SLC4A4: variants seen among roughly 807,000 people sequenced by gnomAD.
SLC4A4 encodes solute carrier family 4 member 4, also known as electrogenic sodium bicarbonate cotransporter 1.
SLC4A4 carries 27 observed loss-of-function variants against 111.5 expected under a neutral mutation model. That is an observed-to-expected ratio of 0.24 (90% CI 0.18 to 0.33). The LOEUF (loss-of-function observed/expected upper bound fraction) is 0.33, where lower values mean the gene tolerates loss of function less well. SLC4A4 is among the 10% of genes least tolerant of loss of function. The pLI, the probability that SLC4A4 is intolerant of heterozygous loss-of-function variation, is 1.00. For synonymous variants in SLC4A4, 443 were observed against 463.4 expected (o/e 0.96, Z 0.57); for missense variants, 909 against 1,315.5 (o/e 0.69, Z 4.78).
intron 15 of SLC4A4, among the ~76,000 whole-genome samples, chr4:71,488,319 CCT>C (rs1318442990): frequency 6.6e-6 from 1 of 150,724 alleles, no homozygotes; most frequent in Non-Finnish European, 1.5e-5. Context: ...ACTTTTAAGC[CCT>C]GTCGTTGGGA....
intron 8 of SLC4A4, among the ~76,000 whole-genome samples, chr4:71,445,059 C>T (rs1212086403): frequency 1.3e-5 from 2 of 152,154 alleles, no homozygotes; most frequent in Non-Finnish European, 2.9e-5. Context: ...AAGAGGAATA[C>T]TACTTTTATA....
intron 25 of SLC4A4, among the ~76,000 whole-genome samples, chr4:71,567,585 A>G (rs1298322635): frequency 6.6e-6 from 1 of 151,740 alleles, no homozygotes; most frequent in African/African-American, 2.4e-5. Flanking sequence ...ATGAGATCTT[A>G]TGAATTTTTT....
At chr4:71,143,291 T>A (rs992989651) in intron 2 of SLC4A4, among the ~76,000 whole-genome samples, 1 of 152,222 alleles carries the variant, frequency 6.6e-6, no homozygotes, top group South Asian at 2.1e-4. Flanking sequence ...TCATTTTTTA[T>A]GGCTGCATAG....
chr4:71,369,597 C>T (rs1731659270), intron 6 of SLC4A4, among the ~76,000 whole-genome samples: 1 of 152,052 alleles, frequency 6.6e-6, no homozygotes, highest in South Asian at 2.1e-4. Flanking sequence ...TGTTAAATAC[C>T]TCAAATACCT....
At chr4:71,292,699 T>A (rs1365389624) in intron 3 of SLC4A4, among the ~76,000 whole-genome samples, 10 of 151,842 alleles carry the variant, frequency 6.6e-5, no homozygotes, top group Admixed American at 6.6e-4. Flanking sequence ...CAATATAGGA[T>A]GTATATTGAA....
intron 3 of SLC4A4, among the ~76,000 whole-genome samples, chr4:71,265,588 T>C (rs2579326): frequency 0.89 from 135,392 of 152,088 alleles, 61,853 homozygotes; most frequent in Non-Finnish European, 0.99. Context: ...ACATCTTACC[T>C]CCTCAAAATA....
intron 16 of SLC4A4, among the ~76,000 whole-genome samples, chr4:71,519,775 C>T (rs921088478): frequency 6.6e-5 from 10 of 152,100 alleles, no homozygotes; most frequent in Non-Finnish European, 1.0e-4. Context: ...GCTGGGTTTA[C>T]AGGTGTACAC....
chr4:71,502,445 T>C (rs938748572), intron 16 of SLC4A4, among the ~76,000 whole-genome samples: 10 of 152,338 alleles, frequency 6.6e-5, no homozygotes, highest in African/African-American at 2.4e-4. Flanking sequence ...AAATCTTCTT[T>C]CGATGTAGTC....
intron 7 of SLC4A4, among the ~76,000 whole-genome samples, chr4:71,421,649 A>G (rs1013385254): frequency 1.4e-4 from 22 of 152,280 alleles, no homozygotes; most frequent in South Asian, 4.1e-4. Flanking sequence ...TCAGACCACA[A>G]TGCAATCAAA....
upstream of SLC4A4, among the ~76,000 whole-genome samples, chr4:71,182,316 G>A (rs550713086): frequency 1.1e-4 from 16 of 152,316 alleles, no homozygotes; most frequent in South Asian, 3.1e-3. Context: ...AGGAGCCAAC[G>A]TTTAATATTC....
rs186144359 is a variant in SLC4A4 at position 71,446,309 on chromosome 4, C to A, written c.966-1337C>A. ...AAATAAGTAAGTTAAAAATAAAATT[C>A]TGCTGAGCAAAATGGCAAGCTGTTT... is the stretch of plus-strand genomic sequence containing the variant. On this transcript the variant is annotated intron_variant, in intron 8 of 25. Coordinates refer to ENST00000264485, the MANE Select transcript of SLC4A4 (RefSeq NM_001098484.3). Among the ~76,000 whole-genome samples, 427 of 152,184 alleles carry A rather than the reference C, an allele frequency of 2.8e-3. 1 individual carries two copies. Among genetic ancestry groups the A allele is most frequent in the Admixed American group, 4.4e-3 (67 of 15,278 alleles).
At chr4:71,159,246 C>T (rs901198223) in intron 2 of SLC4A4, among the ~76,000 whole-genome samples, 1 of 152,116 alleles carries the variant, frequency 6.6e-6, no homozygotes, top group Non-Finnish European at 1.5e-5. Context: ...GAGTTTTAAC[C>T]AATTTTCAGG....
At chr4:71,495,130 A>C (rs1730286699) in intron 15 of SLC4A4, among the ~76,000 whole-genome samples, 1 of 152,052 alleles carries the variant, frequency 6.6e-6, no homozygotes, top group African/African-American at 2.4e-5. Flanking sequence ...TGAGGCTTAC[A>C]AAATAGTGAT....
At chr4:71,074,120 A>G (rs1233237704) in intron 1 of SLC4A4, among the ~76,000 whole-genome samples, 1 of 152,204 alleles carries the variant, frequency 6.6e-6, no homozygotes, top group African/African-American at 2.4e-5. Flanking sequence ...ATAGGGATTA[A>G]TTACCTGAAA....
intron 3 of SLC4A4, among the ~76,000 whole-genome samples, chr4:71,309,791 A>G (rs928119574): frequency 7.9e-5 from 12 of 151,800 alleles, no homozygotes; most frequent in Non-Finnish European, 1.0e-4. Context: ...AATGATCGCA[A>G]CTCCTTTCCA....
chr4:71,369,898 A>G (rs184575853), intron 6 of SLC4A4, among the ~76,000 whole-genome samples: 2 of 152,334 alleles, frequency 1.3e-5, no homozygotes, highest in East Asian at 1.9e-4. Flanking sequence ...TAACAATTGT[A>G]TAAAATGATA....
At chr4:71,351,346 A>T (rs1334980523) in intron 5 of SLC4A4, among the ~76,000 whole-genome samples, 3 of 152,200 alleles carry the variant, frequency 2.0e-5, no homozygotes, top group African/African-American at 7.2e-5. Context: ...CTTCTTACAG[A>T]TGATTTAAGT....
intron 23 of SLC4A4, among the ~76,000 whole-genome samples, chr4:71,562,056 C>A (rs1434129115): frequency 6.6e-6 from 1 of 151,738 alleles, no homozygotes; most frequent in African/African-American, 2.4e-5. Context: ...CTTAGAAGTT[C>A]TTCCAATTCT....
intron 7 of SLC4A4, among the ~76,000 whole-genome samples, chr4:71,433,556 G>A (rs570625714): frequency 3.3e-5 from 5 of 152,136 alleles, no homozygotes; most frequent in African/African-American, 1.2e-4. Context: ...TGGATAGATT[G>A]CAAAAATTTT....
Sources: gnomAD v4.1 joint callset for allele counts (sites outside exome capture counted in the v4.1 genomes callset) on GRCh38, gnomAD v4.1.1 for gene constraint, MANE v1.5 for transcripts, NCBI Gene and HGNC (gene_info 2026-07-23, HGNC 2026-07-21) for gene names.